UBE2E2: variants seen among roughly 807,000 people sequenced by gnomAD.
UBE2E2 encodes the protein ubiquitin conjugating enzyme E2 E2, also known as ubiquitin-conjugating enzyme E2 E2.
UBE2E2 carries 6 observed loss-of-function variants against 24.7 expected under a neutral mutation model. The observed-to-expected ratio is 0.24, with a 90% CI of 0.13 to 0.48. UBE2E2 has a LOEUF of 0.48. UBE2E2 is among the 20% of genes least tolerant of loss of function. UBE2E2 has a pLI of 0.99. For synonymous variants in UBE2E2, 104 were observed against 83.6 expected, an observed-to-expected ratio of 1.24 and a Z score of -1.33; for missense variants, 169 against 245.0, an observed-to-expected ratio of 0.69 and a Z score of 2.07.
intron 5 of UBE2E2, among the ~76,000 whole-genome samples, chr3:23,588,410 G>GTTTTTTTTTTTTTTGTC (rs199679364): frequency 7.7e-6 from 1 of 130,064 alleles, no homozygotes; most frequent in Non-Finnish European, 1.6e-5. Context: ...TTGTTTTTTT[G>GTTTTTTTTTTTTTTGTC]TTTTTTTTTT....
At chr3:23,361,062 C>CA (rs754328400) in intron 3 of UBE2E2, among the ~76,000 whole-genome samples, 2 of 151,934 alleles carry the variant, frequency 1.3e-5, no homozygotes, top group Non-Finnish European at 2.9e-5. Flanking sequence ...AAACAGCCAA[C>CA]AAAAATATGA....
At chr3:23,353,248 A>G (rs1177098450) in intron 3 of UBE2E2, among the ~76,000 whole-genome samples, 1 of 152,108 alleles carries the variant, frequency 6.6e-6, no homozygotes, top group African/African-American at 2.4e-5. Context: ...AAATAATAAG[A>G]GCTATCTATG....
chr3:23,346,848 C>T (rs963760322), intron 3 of UBE2E2, among the ~76,000 whole-genome samples: 16 of 152,146 alleles, frequency 1.1e-4, no homozygotes, highest in Non-Finnish European at 1.8e-4. Flanking sequence ...TTCTAATTCA[C>T]CTTGCTTTCT....
chr3:23,422,257 A>G (rs1697820361), intron 3 of UBE2E2, among the ~76,000 whole-genome samples: 1 of 152,130 alleles, frequency 6.6e-6, no homozygotes, highest in Non-Finnish European at 1.5e-5. Context: ...AAATACGGGG[A>G]TAGAGAGTAG....
chr3:23,297,484 G>T (rs907899048), intron 3 of UBE2E2, among the ~76,000 whole-genome samples: 1 of 152,134 alleles, frequency 6.6e-6, no homozygotes, highest in Non-Finnish European at 1.5e-5. Context: ...ATTAATTTTT[G>T]TATAAGGTGT....
intron 5 of UBE2E2, among the ~76,000 whole-genome samples, chr3:23,557,869 G>A (rs982341154): frequency 6.6e-6 from 1 of 152,030 alleles, no homozygotes; most frequent in South Asian, 2.1e-4. Flanking sequence ...CACAAACCAG[G>A]CTTACATAGT....
chr3:23,229,019 A>G (rs947618024), intron 3 of UBE2E2, among the ~76,000 whole-genome samples: 6 of 152,084 alleles, frequency 3.9e-5, no homozygotes, highest in East Asian at 1.9e-4. Flanking sequence ...CCCTCCCAAC[A>G]TTCCGCTACC....
At chr3:23,289,585 ATACTG>A (rs1293527064) in intron 3 of UBE2E2, among the ~76,000 whole-genome samples, 1 of 152,254 alleles carries the variant, frequency 6.6e-6, no homozygotes, top group East Asian at 1.9e-4. Context: ...TCACTTTAAA[ATACTG>A]TACTGTGTTA....
intron 3 of UBE2E2, among the ~76,000 whole-genome samples, chr3:23,340,993 A>G (rs76813142): frequency 1.3e-5 from 2 of 152,312 alleles, no homozygotes; most frequent in Non-Finnish European, 1.5e-5. Flanking sequence ...TTCTGCTTAT[A>G]TAAGTGAGTA....
chr3:23,284,119 AT>A (rs559256126), intron 3 of UBE2E2, among the ~76,000 whole-genome samples: 151 of 151,228 alleles, frequency 1.0e-3, no homozygotes, highest in South Asian at 2.7e-3. Flanking sequence ...TCCTTTAGGG[AT>A]TTTTTTTTAA....
chr3:23,294,661 T>C (rs1167737130), intron 3 of UBE2E2, among the ~76,000 whole-genome samples: 1 of 146,648 alleles, frequency 6.8e-6, no homozygotes, highest in Non-Finnish European at 1.5e-5. Flanking sequence ...TTATTTATTA[T>C]TTTAAATAAA....
intron 3 of UBE2E2, among the ~76,000 whole-genome samples, chr3:23,256,178 G>A (rs1276864752): frequency 1.3e-5 from 2 of 152,068 alleles, no homozygotes; most frequent in East Asian, 1.9e-4. Flanking sequence ...TTAATTTCTG[G>A]TTACAGAGTT....
chr3:23,470,202 T>A (rs932307164), intron 3 of UBE2E2, among the ~76,000 whole-genome samples: 1 of 152,224 alleles, frequency 6.6e-6, no homozygotes, highest in Admixed American at 6.5e-5. Context: ...ACTGTTACTG[T>A]GCCCCTCCTT....
At chr3:23,341,817 G>T (rs1017777467) in intron 3 of UBE2E2, among the ~76,000 whole-genome samples, 1 of 152,018 alleles carries the variant, frequency 6.6e-6, no homozygotes, top group Non-Finnish European at 1.5e-5. Context: ...AAAGTAAACA[G>T]CAGTCAGCTA....
At chr3:23,538,898 T>C (rs557694103) in intron 5 of UBE2E2, among the ~76,000 whole-genome samples, 3 of 152,334 alleles carry the variant, frequency 2.0e-5, no homozygotes, top group Middle Eastern at 6.8e-3. Flanking sequence ...AAACCATTTC[T>C]TTAGTTGTCT....
intron 5 of UBE2E2, among the ~76,000 whole-genome samples, chr3:23,561,866 CT>C (rs1438341726): frequency 2.0e-5 from 3 of 151,550 alleles, no homozygotes; most frequent in Non-Finnish European, 4.4e-5. Context: ...TGATTTGGCT[CT>C]CTGTCTGTTA....
chr3:23,296,616 T>C (rs554324758), intron 3 of UBE2E2, among the ~76,000 whole-genome samples: 1 of 152,300 alleles, frequency 6.6e-6, no homozygotes, highest in African/African-American at 2.4e-5. Context: ...GCTTCATCCA[T>C]GTCCCTGCAA....
chr3:23,203,492 CCCCTCCTCGGGCGTCCT>C, intron 1 of UBE2E2, 28 bp downstream of exon 1: 1 of 977,206 alleles, frequency 1.0e-6, no homozygotes, highest in Non-Finnish European at 1.2e-6. Flanking sequence ...GCCGGTGCCT[CCCCTCCTCGGGCGTCCT>C]CCCTCTCGCT....
intron 4 of UBE2E2, among the ~76,000 whole-genome samples, chr3:23,530,373 C>T (rs1011756460): frequency 6.6e-6 from 1 of 152,054 alleles, no homozygotes; most frequent in Admixed American, 6.6e-5. Flanking sequence ...GTCATTTTCT[C>T]CTTATAATTT....
Sources: allele counts gnomAD v4.1 joint callset (sites outside exome capture counted in the v4.1 genomes callset), GRCh38; gene constraint gnomAD v4.1.1; transcripts MANE v1.5; gene names NCBI Gene and HGNC (gene_info 2026-07-23, HGNC 2026-07-21).